The following KIAA0232 variants were observed in gnomAD, a reference collection of about 807,000 sequenced individuals.
The protein encoded by KIAA0232 is uncharacterized protein KIAA0232.
A neutral mutation model predicts 122.0 loss-of-function variants in KIAA0232; 27 were observed. That is an observed-to-expected ratio of 0.22 (90% CI 0.16 to 0.31). KIAA0232 has a LOEUF of 0.31. KIAA0232 is among the 10% of genes least tolerant of loss of function. The pLI is 1.00. For synonymous variants in KIAA0232, 613 were observed against 587.6 expected (o/e 1.04, Z -0.63); for missense variants, 1,551 against 1,634.2 (o/e 0.95, Z 0.88).
At position 6,880,971 on chromosome 4, in the gene KIAA0232, G is replaced by T. The variant is rs766659505; in HGVS notation, c.*5G>T. ...TTTTCTCGAACTCATCTCTAAACCT[G>T]CAAAATAGTACAAATTATTGTTTAA... On this transcript the variant is annotated 3_prime_UTR_variant, in exon 10 of 10. Coordinates refer to ENST00000307659, the MANE Select transcript of KIAA0232 (RefSeq NM_014743.3). 4.0e-6 allele frequency: 6 copies of T among 1,490,360 alleles called. No homozygotes were observed. In the South Asian group the frequency reaches 8.4e-5, roughly 21 times the overall value. The allele number at this position is 1,490,360 out of a possible 1,614,324, so 92.3% of individuals were successfully genotyped here.
intron 4 of KIAA0232, among the ~76,000 whole-genome samples, chr4:6,849,172 C>A (rs1720135981): frequency 1.3e-5 from 2 of 152,142 alleles, no homozygotes. Context: ...ATTGTGAGCA[C>A]CCAGTGAAGA....
chr4:6,817,880 T>C (rs1157181131), intron 2 of KIAA0232, among the ~76,000 whole-genome samples: 2 of 152,204 alleles, frequency 1.3e-5, no homozygotes, highest in African/African-American at 4.8e-5. Flanking sequence ...AGGACTGGTA[T>C]GGCCTTTTGA....
In KIAA0232 at chr4:6,864,737, C is replaced by CAAAAA. The variant is rs59573520; in HGVS notation, c.3801+572_3801+576dup. Among the ~76,000 whole-genome samples the CAAAAA allele has an allele frequency of 1.7e-3, 117 of 69,930 alleles. 3 individuals carry two copies. Among genetic ancestry groups the CAAAAA allele is most frequent in the Middle Eastern group, 7.6e-3 (1 of 132 alleles). The allele number at this position is 69,930 out of a possible 152,430, so 45.9% of individuals were successfully genotyped here. On this transcript the variant is annotated intron_variant, in intron 7 of 9. Coordinates refer to ENST00000307659, the MANE Select transcript of KIAA0232 (RefSeq NM_014743.3). ...TGGGTGACAGGGTGAGACTCCATCT[C>CAAAAA]AAAAAAAAAAAAAAAAAAAAAATAC...
intron 2 of KIAA0232, among the ~76,000 whole-genome samples, chr4:6,807,205 T>A (rs1717674225): frequency 6.6e-6 from 1 of 152,182 alleles, no homozygotes; most frequent in African/African-American, 2.4e-5. Flanking sequence ...CAGCTTTTCT[T>A]CCTTATCTTT....
chr4:6,813,562 C>G (rs1458331952), intron 2 of KIAA0232, among the ~76,000 whole-genome samples: 1 of 151,916 alleles, frequency 6.6e-6, no homozygotes, highest in Non-Finnish European at 1.5e-5. Context: ...TGGGGTTTCA[C>G]CGTGTTAGCC....
rs1451205483 is a variant in KIAA0232 at position 6,839,140 on chromosome 4, TAAAG to T, written c.232-2926_232-2923del. Among the ~76,000 whole-genome samples, 3 of 152,230 alleles carry T rather than the reference TAAAG, an allele frequency of 2.0e-5. No individual in the cohort carries two copies. In the East Asian group the frequency reaches 5.8e-4, roughly 29 times the overall value. Reference sequence around the variant, plus strand: ...GACTCTGTCTCAGAAATAAAATAAATAAAGCTAAGGATTCTTCCTTTCAAGCTTC... The same window carrying T: ...GACTCTGTCTCAGAAATAAAATAAATCTAAGGATTCTTCCTTTCAAGCTTC... On this transcript the variant is annotated intron_variant, in intron 3 of 9. Coordinates refer to ENST00000307659, the MANE Select transcript of KIAA0232 (RefSeq NM_014743.3).
chr4:6,840,406 C>T (rs1022789089), intron 3 of KIAA0232, among the ~76,000 whole-genome samples: 1 of 152,152 alleles, frequency 6.6e-6, no homozygotes, highest in Non-Finnish European at 1.5e-5. Flanking sequence ...GTCATTTAGG[C>T]ACTGTGAGGC....
At chr4:6,812,969 A>C in intron 2 of KIAA0232, among the ~76,000 whole-genome samples, 1 of 152,240 alleles carries the variant, frequency 6.6e-6, no homozygotes, top group East Asian at 1.9e-4. Flanking sequence ...AAAGGGAACT[A>C]TCTTAATATT....
chr4:6,851,001 G>A (rs1024239367), intron 4 of KIAA0232, among the ~76,000 whole-genome samples: 2 of 152,174 alleles, frequency 1.3e-5, no homozygotes, highest in Non-Finnish European at 1.5e-5. Context: ...ATCCTTGTGC[G>A]TATGTACAGT....
chr4:6,807,082 T>TATCTATC (rs1560166887), intron 2 of KIAA0232, among the ~76,000 whole-genome samples: 10 of 131,194 alleles, frequency 7.6e-5, no homozygotes, highest in East Asian at 2.3e-4. Flanking sequence ...ATCTATCTAT[T>TATCTATC]TAAGACAGGG....
At chr4:6,817,218 T>C (rs191982910) in intron 2 of KIAA0232, among the ~76,000 whole-genome samples, 1 of 152,262 alleles carries the variant, frequency 6.6e-6, no homozygotes, top group East Asian at 1.9e-4. Flanking sequence ...CCTAAAAATA[T>C]TGATAGGTTG....
At position 6,876,752 on chromosome 4, in the gene KIAA0232, A is replaced by G; in HGVS notation, c.4003A>G (p.Asn1335Asp). ...PSNEERLLDFNRVSSVYEARC... is the reference protein window; with the variant it reads ...PSNEERLLDFDRVSSVYEARC... ...TAATGAAGAGCGCCTGTTAGATTTT[A>G]ATAGGGTAAGTGGACTGTCCTCCTC... Residue 1335 changes from asparagine to aspartate, a missense_variant, in exon 9 of 10, where the codon AAT (asparagine) becomes GAT (aspartate). Physicochemically the swap from Asn to Asp is conservative, Grantham distance 23 (BLOSUM62 1). Transcript: ENST00000307659. 1 of 1,603,850 alleles carries G rather than the reference A, an allele frequency of 6.2e-7. No individual in the cohort carries two copies.
intron 2 of KIAA0232, among the ~76,000 whole-genome samples, chr4:6,817,297 G>C (rs74571046): frequency 6.6e-6 from 1 of 151,878 alleles, no homozygotes; most frequent in Non-Finnish European, 1.5e-5. Context: ...CGCTGCAGCC[G>C]CCTCCTCCTC....
chr4:6,843,146 T>C (rs1371963726), intron 4 of KIAA0232, among the ~76,000 whole-genome samples: 2 of 152,240 alleles, frequency 1.3e-5, no homozygotes, highest in Non-Finnish European at 2.9e-5. Context: ...AAAATATCTT[T>C]TGCAGTTAAT....
intron 1 of KIAA0232, among the ~76,000 whole-genome samples, chr4:6,784,413 A>G (rs1716513821): frequency 6.7e-6 from 1 of 150,010 alleles, no homozygotes. Context: ...TCGTGGACTT[A>G]GAATTTAAAG....
intron 2 of KIAA0232, among the ~76,000 whole-genome samples, chr4:6,817,783 A>G (rs1718206767): frequency 6.6e-6 from 1 of 152,076 alleles, no homozygotes; most frequent in Non-Finnish European, 1.5e-5. Context: ...GATCTAGTGT[A>G]ATTGTGGACT....
chr4:6,783,429 T>A (rs990261040), intron 1 of KIAA0232, among the ~76,000 whole-genome samples: 1 of 152,062 alleles, frequency 6.6e-6, no homozygotes, highest in Non-Finnish European at 1.5e-5. Flanking sequence ...CGGGGGTGCT[T>A]AGACTTGATA....
At chr4:6,860,790 A>G (rs1432188705) in intron 6 of KIAA0232, 111 bp from the exon 7 acceptor site, 3 of 898,968 alleles carry the variant, frequency 3.3e-6, no homozygotes, top group Middle Eastern at 2.3e-4. Context: ...GATGATGTGA[A>G]TGTTGACACT....
At chr4:6,793,808 C>CT (rs1717012011) in intron 1 of KIAA0232, among the ~76,000 whole-genome samples, 1 of 152,116 alleles carries the variant, frequency 6.6e-6, no homozygotes, top group African/African-American at 2.4e-5. Context: ...CCTGAGAACT[C>CT]TGAGAGAGAT....
Sources: allele counts gnomAD v4.1 joint callset (sites outside exome capture counted in the v4.1 genomes callset), GRCh38; gene constraint gnomAD v4.1.1; transcripts MANE v1.5; gene names NCBI Gene and HGNC (gene_info 2026-07-23, HGNC 2026-07-21).